The following ITPRID1 variants were observed in gnomAD, a reference collection of about 807,000 sequenced individuals.
ITPRID1 encodes protein ITPRID1.
In ITPRID1, 96 loss-of-function variants were observed where a neutral mutation model predicts 95.4. The ratio of observed to expected loss-of-function variants is 1.01; its 90% CI spans 0.85 to 1.19. ITPRID1 has a LOEUF of 1.19. Among genes scored for constraint, ITPRID1 ranks in the 50% most tolerant of loss-of-function variants. The pLI is 0.00. For missense variants in ITPRID1, 1,339 were observed against 1,252.9 expected, an observed-to-expected ratio of 1.07 and a Z score of -1.04; for synonymous variants, 510 against 453.6, an observed-to-expected ratio of 1.12 and a Z score of -1.58.
intron 1 of ITPRID1, among the ~76,000 whole-genome samples, chr7:31,534,045 A>G (rs1175498277): frequency 6.6e-6 from 1 of 152,116 alleles, no homozygotes; most frequent in Non-Finnish European, 1.5e-5. Context: ...TGTGAACCCT[A>G]TTGCAAACTG....
intron 1 of ITPRID1, among the ~76,000 whole-genome samples, chr7:31,544,560 C>T (rs1015899752): frequency 4.6e-5 from 7 of 151,764 alleles, no homozygotes; most frequent in African/African-American, 1.7e-4. Flanking sequence ...TTTTTTTATA[C>T]CCCCCTCAAA....
chr7:31,618,359 C>A (rs1170774476), intron 10 of ITPRID1, among the ~76,000 whole-genome samples: 1 of 47,748 alleles, frequency 2.1e-5, no homozygotes, highest in African/African-American at 8.6e-5. Flanking sequence ...GGAGGTTCCT[C>A]CCCTGTCCTT....
At chr7:31,527,333 G>C (rs1047405520) in intron 1 of ITPRID1, among the ~76,000 whole-genome samples, 11 of 152,158 alleles carry the variant, frequency 7.2e-5, no homozygotes, top group African/African-American at 2.7e-4. Flanking sequence ...AGATTTCAGA[G>C]ACCTTAGCCC....
chr7:31,535,853 A>G (rs1349286151), intron 1 of ITPRID1, among the ~76,000 whole-genome samples: 2 of 151,982 alleles, frequency 1.3e-5, no homozygotes, highest in East Asian at 1.9e-4. Context: ...ATCAAGGATC[A>G]TTCTTATTTG....
At chr7:31,583,296 G>A in intron 10 of ITPRID1, 105 bp downstream of exon 10, 1 of 765,350 alleles carries the variant, frequency 1.3e-6, no homozygotes, top group South Asian at 2.1e-5. Flanking sequence ...ATCTCTAGAA[G>A]GTACTCTAAA....
intron 1 of ITPRID1, among the ~76,000 whole-genome samples, chr7:31,537,134 T>TGTGTGTGTGTG (rs1583470872): frequency 6.8e-6 from 1 of 147,932 alleles, no homozygotes; most frequent in East Asian, 2.0e-4. Flanking sequence ...TGTGTGTGTG[T>TGTGTGTGTGTG]TTCCCCTTCC....
intron 10 of ITPRID1, among the ~76,000 whole-genome samples, chr7:31,624,996 T>A (rs1020171060): frequency 1.2e-4 from 18 of 152,186 alleles, no homozygotes; most frequent in African/African-American, 4.3e-4. Flanking sequence ...AGAAGACATT[T>A]ATGCAGTCAA....
At chr7:31,644,683 G>A (rs1006629104) in intron 12 of ITPRID1, among the ~76,000 whole-genome samples, 7 of 152,138 alleles carry the variant, frequency 4.6e-5, no homozygotes, top group Admixed American at 2.0e-4. Context: ...ATTGTTTAAT[G>A]AGCCCTTCCA....
intron 10 of ITPRID1, among the ~76,000 whole-genome samples, chr7:31,612,440 A>T (rs2128165309): frequency 6.6e-6 from 1 of 152,152 alleles, no homozygotes; most frequent in Middle Eastern, 3.4e-3. Context: ...TGTAAACTGG[A>T]CATTTAAAAT....
chr7:31,625,828 T>TG (rs1554295750), intron 10 of ITPRID1, among the ~76,000 whole-genome samples: 1 of 151,942 alleles, frequency 6.6e-6, no homozygotes, highest in African/African-American at 2.4e-5. Context: ...TCTTTTTTTT[T>TG]AAATTTTTTC....
intron 10 of ITPRID1, among the ~76,000 whole-genome samples, chr7:31,615,936 T>C (rs1787173199): frequency 6.6e-6 from 1 of 151,906 alleles, no homozygotes; most frequent in Non-Finnish European, 1.5e-5. Context: ...TTTGTATTTT[T>C]GGTAGAGACG....
intron 10 of ITPRID1, among the ~76,000 whole-genome samples, chr7:31,599,071 A>G (rs1007681189): frequency 3.3e-5 from 5 of 152,220 alleles, no homozygotes; most frequent in South Asian, 2.1e-4. Flanking sequence ...TATATATCCT[A>G]AAGAAATCTT....
rs539714087 is a variant in ITPRID1, at chr7:31,620,103, G to A, written c.1229-22073G>A. 5.4e-3 allele frequency among the ~76,000 whole-genome samples: 826 copies of A among 152,286 alleles called. 10 individuals carry two copies. The highest frequency in any genetic ancestry group is 0.019 in the African/African-American group (792 of 41,570). On this transcript the variant is annotated intron_variant, in intron 10 of 14. Coordinates refer to ENST00000615280, the MANE Select transcript of ITPRID1 (RefSeq NM_001257967.3). ...CTTGATTAGGTAAACAAAGCAGCCGGGAAGCTCCAACTGGGTGGAGCCCAC... is the reference window on the plus strand; with the variant it reads ...CTTGATTAGGTAAACAAAGCAGCCGAGAAGCTCCAACTGGGTGGAGCCCAC...
intron 5 of ITPRID1, among the ~76,000 whole-genome samples, chr7:31,561,439 C>G (rs969720826): frequency 1.9e-4 from 25 of 129,168 alleles, no homozygotes; most frequent in African/African-American, 6.5e-4. Context: ...GTATTGAAAT[C>G]TCTTCCAATA....
intron 10 of ITPRID1, among the ~76,000 whole-genome samples, chr7:31,587,801 A>G (rs1785683933): frequency 6.6e-6 from 1 of 150,822 alleles, no homozygotes; most frequent in Non-Finnish European, 1.5e-5. Flanking sequence ...GATATAGATC[A>G]ATGGAACAGA....
At position 31,542,049 on chromosome 7, in the gene ITPRID1, G is replaced by A. The variant is rs150985157; in HGVS notation, c.-97-7377G>A. Among the ~76,000 whole-genome samples, 1,279 of 152,092 alleles carry A rather than the reference G, an allele frequency of 8.4e-3. 10 individuals carry two copies. Among genetic ancestry groups the A allele is most frequent in the Non-Finnish European group, 0.011 (769 of 67,988 alleles). ...ACAATTCTTTAGCCTTTTAATGTAGGTAAAAATCCACATTCTCATGCCTCC... is the reference window on the plus strand; with the variant it reads ...ACAATTCTTTAGCCTTTTAATGTAGATAAAAATCCACATTCTCATGCCTCC... On this transcript the variant is annotated intron_variant, in intron 1 of 14. Transcript: ENST00000615280.
At chr7:31,597,781 G>C (rs535213475) in intron 10 of ITPRID1, among the ~76,000 whole-genome samples, 1 of 152,110 alleles carries the variant, frequency 6.6e-6, no homozygotes, top group South Asian at 2.1e-4. Context: ...TTGCAAGCTT[G>C]TCCTAAAATT....
At position 31,654,945 on chromosome 7, in the gene ITPRID1, C is replaced by G. The variant is rs1004777086; in HGVS notation, c.*2116C>G. On this transcript the variant is annotated 3_prime_UTR_variant, in exon 15 of 15. Transcript: ENST00000615280. ...CGGGGCCTTCCTACCCTTGGGACCA[C>G]CACACTATTTTTCCCATGGACTTAA... is the stretch of plus-strand genomic sequence containing the variant. Among the ~76,000 whole-genome samples, 1 of 152,136 alleles carries G rather than the reference C, an allele frequency of 6.6e-6. No homozygotes were observed. The highest frequency in any genetic ancestry group is 6.5e-5 in the Admixed American group (1 of 15,268).
At chr7:31,647,186 T>C (rs1790540795) in intron 12 of ITPRID1, among the ~76,000 whole-genome samples, 2 of 152,248 alleles carry the variant, frequency 1.3e-5, no homozygotes, top group Non-Finnish European at 2.9e-5. Context: ...AGTTAGTGCA[T>C]GCAGCAACAT....
Sources: gnomAD v4.1 joint callset for allele counts (sites outside exome capture counted in the v4.1 genomes callset) on GRCh38, gnomAD v4.1.1 for gene constraint, MANE v1.5 for transcripts, NCBI Gene and HGNC (gene_info 2026-07-23, HGNC 2026-07-21) for gene names.